The following SMYD3 variants were observed in gnomAD, a reference collection of about 807,000 sequenced individuals.
SMYD3 encodes the protein SET and MYND domain containing 3.
Under a neutral mutation model 57.7 loss-of-function variants are expected in SMYD3, and 36 were observed. That is an observed-to-expected ratio of 0.62 (90% confidence interval 0.48 to 0.82). The LOEUF is 0.82. Among genes scored for constraint, SMYD3 ranks in the 40% least tolerant of loss-of-function variants. The probability of loss-of-function intolerance (pLI) is 0.00; values close to 1 mark genes in which losing one functional copy is unlikely to be tolerated. For missense variants in SMYD3, 515 were observed against 538.8 expected (o/e 0.96, Z 0.44); for synonymous variants, 211 against 195.0 (o/e 1.08, Z -0.68).
intron 5 of SMYD3, among the ~76,000 whole-genome samples, chr1:246,175,010 C>T (rs745595484): frequency 1.5e-4 from 23 of 152,120 alleles, no homozygotes; most frequent in Non-Finnish European, 2.1e-4. Flanking sequence ...TTTATCTATA[C>T]TCAAATATCA....
At chr1:245,894,993 G>A (rs1179521432) in intron 8 of SMYD3, among the ~76,000 whole-genome samples, 1 of 152,216 alleles carries the variant, frequency 6.6e-6, no homozygotes, top group Non-Finnish European at 1.5e-5. Flanking sequence ...CAGAGAAGAA[G>A]TGCCACATCC....
intron 5 of SMYD3, among the ~76,000 whole-genome samples, chr1:246,169,796 C>T (rs940144833): frequency 2.0e-5 from 3 of 151,780 alleles, no homozygotes; most frequent in East Asian, 1.9e-4. Flanking sequence ...CCCAGCTACC[C>T]GAGAAGCTGA....
Position 246,129,785 on chromosome 1 carries a change from TTTTTA to T in SMYD3, c.531+197411_531+197415del, listed in dbSNP as rs140149550. Among the ~76,000 whole-genome samples, 432 of 152,326 alleles carry T rather than the reference TTTTTA, an allele frequency of 2.8e-3. 1 individual carries two copies. Among genetic ancestry groups the T allele is most frequent in the African/African-American group, 0.01 (417 of 41,568 alleles). On this transcript the variant is annotated intron_variant, in intron 5 of 11. Coordinates refer to ENST00000490107, the MANE Select transcript of SMYD3 (RefSeq NM_001167740.2). ...TTCTGAACACATTTCTTTCTCTTTT[TTTTTA>T]AAGACTGAAAAATGGATATAAGCCC...
intron 5 of SMYD3, among the ~76,000 whole-genome samples, chr1:246,213,635 C>T (rs537471420): frequency 3.3e-5 from 5 of 152,302 alleles, no homozygotes; most frequent in South Asian, 4.1e-4. Flanking sequence ...TGCACTTCCA[C>T]GCCAGGACAG....
intron 10 of SMYD3, among the ~76,000 whole-genome samples, chr1:245,786,687 A>G (rs972020852): frequency 1.3e-5 from 2 of 151,952 alleles, no homozygotes; most frequent in Non-Finnish European, 2.9e-5. Flanking sequence ...CCAGGAGTTC[A>G]CACGTGAAGC....
chr1:245,828,471 C>A (rs2049629082), intron 10 of SMYD3, among the ~76,000 whole-genome samples: 1 of 152,046 alleles, frequency 6.6e-6, no homozygotes, highest in Admixed American at 6.5e-5. Context: ...TAATGAAACA[C>A]TTGAACACAT....
chr1:246,357,796 G>A (rs1308046965), intron 1 of SMYD3, among the ~76,000 whole-genome samples: 1 of 152,096 alleles, frequency 6.6e-6, no homozygotes, highest in African/African-American at 2.4e-5. Context: ...AGCACTACAA[G>A]AACTGCCAAA....
chr1:246,249,700 A>G (rs991898628), intron 5 of SMYD3, among the ~76,000 whole-genome samples: 2 of 152,180 alleles, frequency 1.3e-5, no homozygotes, highest in Non-Finnish European at 2.9e-5. Context: ...ACCCTTAAAA[A>G]ATGTGTGTTT....
chr1:245,923,598 C>T (rs986283052), intron 7 of SMYD3, among the ~76,000 whole-genome samples: 1 of 152,212 alleles, frequency 6.6e-6, no homozygotes, highest in Non-Finnish European at 1.5e-5. Context: ...TCTATGTCTA[C>T]AATGCCTTTT....
At chr1:246,077,730 C>T (rs1224801957) in intron 5 of SMYD3, among the ~76,000 whole-genome samples, 1 of 152,006 alleles carries the variant, frequency 6.6e-6, no homozygotes, top group Non-Finnish European at 1.5e-5. Context: ...GATGCCACTA[C>T]TCTATGTGCC....
intron 5 of SMYD3, among the ~76,000 whole-genome samples, chr1:246,097,990 G>A (rs923016381): frequency 3.3e-5 from 5 of 151,978 alleles, no homozygotes; most frequent in African/African-American, 7.3e-5. Context: ...TAGTTTTGTC[G>A]TAGTGTTTTT....
chr1:246,476,082 A>C (rs2068027315), intron 1 of SMYD3, among the ~76,000 whole-genome samples: 1 of 152,232 alleles, frequency 6.6e-6, no homozygotes, highest in Admixed American at 6.5e-5. Context: ...CTTTACCAAC[A>C]AATTGTAATG....
chr1:245,973,596 G>C (rs1231410936), intron 5 of SMYD3, among the ~76,000 whole-genome samples: 2 of 152,214 alleles, frequency 1.3e-5, no homozygotes, highest in Non-Finnish European at 2.9e-5. Flanking sequence ...CTGCACGAGA[G>C]AGCAAACATA....
intron 5 of SMYD3, among the ~76,000 whole-genome samples, chr1:246,218,419 C>T (rs1277132559): frequency 1.3e-5 from 2 of 151,976 alleles, no homozygotes; most frequent in Non-Finnish European, 2.9e-5. Flanking sequence ...GTCAGGAGAT[C>T]GAGACCATCC....
At chr1:246,074,006 T>C (rs1488756878) in intron 5 of SMYD3, among the ~76,000 whole-genome samples, 1 of 152,212 alleles carries the variant, frequency 6.6e-6, no homozygotes, top group East Asian at 1.9e-4. Context: ...CAGCATGGCT[T>C]TGAATGTGGC....
intron 10 of SMYD3, among the ~76,000 whole-genome samples, chr1:245,804,442 C>T (rs1358699623): frequency 1.3e-5 from 2 of 152,058 alleles, no homozygotes; most frequent in Non-Finnish European, 2.9e-5. Context: ...CCTGTAGTCC[C>T]AGCTACTCGG....
At chr1:245,860,857 A>G (rs186752304) in intron 9 of SMYD3, among the ~76,000 whole-genome samples, 13 of 152,320 alleles carry the variant, frequency 8.5e-5, no homozygotes, top group Admixed American at 8.5e-4. Flanking sequence ...TCTCTTACAC[A>G]TTGCTAGACA....
chr1:246,200,075 AGAG>A lies in SMYD3; in HGVS notation c.531+127123_531+127125del, dbSNP rs999975014. Among the ~76,000 whole-genome samples the A allele has an allele frequency of 1.8e-3, 278 of 151,978 alleles. 1 individual carries two copies. The highest frequency in any genetic ancestry group is 6.4e-3 in the African/African-American group (266 of 41,446). ...ACACAAACACCCACTGTGATAGAGT[AGAG>A]GAGAACAGCATAGACGCTGAGGTAG... On this transcript the variant is annotated intron_variant, in intron 5 of 11. Coordinates refer to ENST00000490107, the MANE Select transcript of SMYD3 (RefSeq NM_001167740.2).
intron 1 of SMYD3, among the ~76,000 whole-genome samples, chr1:246,381,144 G>A (rs761751204): frequency 4.2e-4 from 64 of 152,306 alleles, no homozygotes; most frequent in Non-Finnish European, 7.9e-4. Flanking sequence ...GACACTCTCT[G>A]ACTCTCTAGG....
Sources: gnomAD v4.1 joint callset for allele counts (sites outside exome capture counted in the v4.1 genomes callset) on GRCh38, gnomAD v4.1.1 for gene constraint, MANE v1.5 for transcripts, NCBI Gene and HGNC (gene_info 2026-07-23, HGNC 2026-07-21) for gene names.